Variants in ADGRL4 observed in about 807,000 individuals in gnomAD.
ADGRL4 encodes the protein EGF, latrophilin and seven transmembrane domain containing 1.
A neutral mutation model predicts 74.8 loss-of-function variants in ADGRL4; 90 were observed. The ratio of observed to expected loss-of-function variants is 1.20; its 90% CI spans 1.02 to 1.43. The LOEUF (loss-of-function observed/expected upper bound fraction) is 1.43, where lower values mean the gene tolerates loss of function less well. Among genes scored for constraint, ADGRL4 ranks in the 40% most tolerant of loss-of-function variants. The pLI, the probability that ADGRL4 is intolerant of heterozygous loss-of-function variation, is 0.00. For synonymous variants in ADGRL4, 311 were observed against 279.2 expected (o/e 1.11, Z -1.14); for missense variants, 881 against 814.3 (o/e 1.08, Z -1.00).
intron 2 of ADGRL4, among the ~76,000 whole-genome samples, chr1:78,960,547 A>G (rs543860437): frequency 6.6e-6 from 1 of 152,278 alleles, no homozygotes; most frequent in South Asian, 2.1e-4. Flanking sequence ...TGGAGTTACG[A>G]GGAAATTGGA....
intron 2 of ADGRL4, among the ~76,000 whole-genome samples, chr1:78,958,178 T>G (rs1037359280): frequency 6.6e-6 from 1 of 152,178 alleles, no homozygotes; most frequent in African/African-American, 2.4e-5. Context: ...ATCCAAGAGC[T>G]CTGATGGAGA....
intron 2 of ADGRL4, among the ~76,000 whole-genome samples, chr1:78,984,337 G>A (rs1044995171): frequency 1.3e-5 from 2 of 151,568 alleles, no homozygotes; most frequent in African/African-American, 4.8e-5. Flanking sequence ...GTAAAAATAT[G>A]GATTATTTTG....
chr1:78,999,535 T>C (rs1650792010), intron 2 of ADGRL4, among the ~76,000 whole-genome samples: 1 of 152,108 alleles, frequency 6.6e-6, no homozygotes, highest in African/African-American at 2.4e-5. Context: ...ATCGCACCAC[T>C]GCACTCTAGC....
At chr1:79,003,320 GTT>G (rs568852449) in intron 2 of ADGRL4, among the ~76,000 whole-genome samples, 92 of 151,680 alleles carry the variant, frequency 6.1e-4, no homozygotes, top group African/African-American at 2.1e-3. Flanking sequence ...GAAAACCACT[GTT>G]TGAACAGTTT....
chr1:78,927,773 C>A (rs887868696), intron 7 of ADGRL4, among the ~76,000 whole-genome samples: 1 of 152,122 alleles, frequency 6.6e-6, no homozygotes, highest in Non-Finnish European at 1.5e-5. Flanking sequence ...GAAACCTCCA[C>A]ATCACATGAA....
At chr1:78,953,919 A>C (rs11807833) in intron 2 of ADGRL4, among the ~76,000 whole-genome samples, 2,278 of 152,256 alleles carry the variant, frequency 0.015, 59 homozygotes, top group African/African-American at 0.052. Flanking sequence ...GAGGCCAAGA[A>C]AGGCAATCAT....
At chr1:78,949,856 A>G (rs1050698941) in intron 2 of ADGRL4, among the ~76,000 whole-genome samples, 1 of 152,174 alleles carries the variant, frequency 6.6e-6, no homozygotes. Flanking sequence ...TTGTAGATAT[A>G]TTTTAAAATG....
intron 2 of ADGRL4, among the ~76,000 whole-genome samples, chr1:78,949,531 T>G (rs1649680079): frequency 6.6e-6 from 1 of 152,180 alleles, no homozygotes; most frequent in Admixed American, 6.6e-5. Flanking sequence ...GTAACCTCCC[T>G]CTTCCCTCAA....
At chr1:78,898,038 G>T (rs1167898869) in intron 12 of ADGRL4, among the ~76,000 whole-genome samples, 1 of 152,066 alleles carries the variant, frequency 6.6e-6, no homozygotes, top group African/African-American at 2.4e-5. Flanking sequence ...ACACGGTATG[G>T]AAAAATATCT....
chr1:78,904,894 T>G (rs577149504), intron 12 of ADGRL4, among the ~76,000 whole-genome samples: 1 of 152,074 alleles, frequency 6.6e-6, no homozygotes, highest in Non-Finnish European at 1.5e-5. Flanking sequence ...ACATCAATTA[T>G]TATCAGTAGT....
At chr1:78,908,964 A>G (rs1373109701) in intron 12 of ADGRL4, among the ~76,000 whole-genome samples, 1 of 151,970 alleles carries the variant, frequency 6.6e-6, no homozygotes, top group Non-Finnish European at 1.5e-5. Context: ...GTTTTTATAT[A>G]ATTCCACTTT....
Position 78,917,959 on chromosome 1 carries a change from A to G in ADGRL4, c.1553T>C (p.Ile518Thr). ...CTTGTTGTAGATGACACCCACAACA[A>G]TGAGATAGAGATGTATGCCTTCAAT... is the stretch of plus-strand genomic sequence containing the variant. ...MCIEGIHLYL[I>T]VVGVIYNKGF... is the part of the protein sequence containing the mutation. The change falls in exon 11 of 15, where the codon ATT (isoleucine) becomes ACT (threonine). Residue 518 changes from isoleucine (I) to threonine (T), a missense_variant. By Grantham distance (89) the Ile-to-Thr change is moderately conservative (BLOSUM62 -1). Transcript: ENST00000370742. 1 of 1,612,298 alleles carries G rather than the reference A, an allele frequency of 6.2e-7. No individual in the cohort carries two copies. Among genetic ancestry groups the G allele is most frequent in the Non-Finnish European group, 8.5e-7 (1 of 1,179,058 alleles).
Position 78,891,556 on chromosome 1 carries a change from T to G in ADGRL4, c.1978A>C (p.Ile660Leu). ...GATAAAACACACAGGAATAAAAAAA[T>G]GAACATCCCCTGGAAAGCATTGCTG... Reference protein sequence around the residue: ...TVSNAFQGMFIFLFLCVLSRK... With the variant: ...TVSNAFQGMFLFLFLCVLSRK... Residue 660 changes from isoleucine to leucine, a missense_variant, in exon 14 of 15, where the codon ATT (isoleucine) becomes CTT (leucine). Coordinates refer to ENST00000370742, the MANE Select transcript of ADGRL4 (RefSeq NM_022159.4). 1 of 1,613,108 alleles carries G rather than the reference T, an allele frequency of 6.2e-7. No individual in the cohort carries two copies. Among genetic ancestry groups the G allele is most frequent in the Non-Finnish European group, 8.5e-7 (1 of 1,179,602 alleles).
At chr1:78,971,468 G>C (rs758471751) in intron 2 of ADGRL4, among the ~76,000 whole-genome samples, 1 of 152,054 alleles carries the variant, frequency 6.6e-6, no homozygotes, top group Non-Finnish European at 1.5e-5. Flanking sequence ...CCTTTGCAGG[G>C]GGGAAAAGCC....
chr1:78,946,415 A>T lies in ADGRL4; in HGVS notation c.184T>A (p.Cys62Ser). Residue 62 changes from cysteine to serine, a missense_variant, in exon 3 of 15, where the codon TGT (cysteine) becomes AGT (serine). Physicochemically the swap from Cys to Ser is moderately radical, Grantham distance 112 (BLOSUM62 -1). Transcript: ENST00000370742. ...GVTICEDDNE[C>S]GNLTQSCGEN... The stretch of plus-strand genomic sequence containing the variant: ...CCACAGGACTGAGTTAAATTTCCAC[A>T]TTCATTATCATCTGTTGGCATATGA... The T allele has an allele frequency of 6.2e-7, 1 of 1,608,306 alleles. No individual in the cohort carries two copies. The highest frequency in any genetic ancestry group is 1.3e-5 in the African/African-American group (1 of 74,748).
intron 3 of ADGRL4, among the ~76,000 whole-genome samples, chr1:78,942,118 T>A (rs1649497531): frequency 7.8e-6 from 1 of 128,680 alleles, no homozygotes; most frequent in African/African-American, 3.0e-5. Context: ...GAGAATGGCA[T>A]GAACCTGGGA....
At chr1:78,964,629 G>T (rs1393127642) in intron 2 of ADGRL4, among the ~76,000 whole-genome samples, 1 of 152,030 alleles carries the variant, frequency 6.6e-6, no homozygotes, top group South Asian at 2.1e-4. Context: ...CTTCTAAAAT[G>T]TTTCATCAAT....
chr1:79,004,183 A>T (rs1387275674), intron 2 of ADGRL4, among the ~76,000 whole-genome samples: 1 of 152,170 alleles, frequency 6.6e-6, no homozygotes. Flanking sequence ...TCCTGAATAC[A>T]TTTAGGTGCA....
chr1:79,004,651 G>T (rs1395150745), intron 2 of ADGRL4, among the ~76,000 whole-genome samples: 1 of 151,984 alleles, frequency 6.6e-6, no homozygotes, highest in Non-Finnish European at 1.5e-5. Flanking sequence ...AATATAGGCG[G>T]TCAAGTACCT....
Sources: gnomAD v4.1 joint callset for allele counts (sites outside exome capture counted in the v4.1 genomes callset) on GRCh38, gnomAD v4.1.1 for gene constraint, MANE v1.5 for transcripts, NCBI Gene and HGNC (gene_info 2026-07-23, HGNC 2026-07-21) for gene names.